Variants in CLSTN2 observed in about 807,000 individuals in gnomAD.
The protein encoded by CLSTN2 is calsyntenin-2.
In CLSTN2, 48 loss-of-function variants were observed where a neutral mutation model predicts 101.2. The ratio of observed to expected loss-of-function variants is 0.47; its 90% CI spans 0.38 to 0.60. The LOEUF is 0.60. CLSTN2 is among the 20% of genes least tolerant of loss of function. The pLI, the probability that CLSTN2 is intolerant of heterozygous loss-of-function variation, is 0.00. For synonymous variants in CLSTN2, 481 were observed against 463.6 expected (o/e 1.04, Z -0.48); for missense variants, 1,160 against 1,238.2 (o/e 0.94, Z 0.95).
At chr3:140,163,193 A>G (rs2010078681) in intron 1 of CLSTN2, among the ~76,000 whole-genome samples, 2 of 152,200 alleles carry the variant, frequency 1.3e-5, no homozygotes, top group African/African-American at 4.8e-5. Context: ...CAATCAGTTG[A>G]CTTTAAGTAA....
At chr3:140,327,601 G>A in intron 2 of CLSTN2, among the ~76,000 whole-genome samples, 1 of 152,190 alleles carries the variant, frequency 6.6e-6, no homozygotes, top group Middle Eastern at 3.2e-3. Flanking sequence ...GCACTTTGGA[G>A]TCACACAGCA....
intron 10 of CLSTN2, 28 bp downstream of exon 10, chr3:140,546,709 A>G (rs369567661): frequency 1.3e-6 from 2 of 1,582,198 alleles, no homozygotes; most frequent in Non-Finnish European, 1.7e-6. Flanking sequence ...ATCACTCCCA[A>G]TAAGACAGGG....
intron 2 of CLSTN2, among the ~76,000 whole-genome samples, chr3:140,184,871 G>A (rs1268694172): frequency 2.0e-5 from 3 of 152,008 alleles, no homozygotes; most frequent in South Asian, 2.1e-4. Context: ...TCCAGAGGCC[G>A]ATAAATGACA....
intron 2 of CLSTN2, among the ~76,000 whole-genome samples, chr3:140,291,569 T>C (rs1409650711): frequency 1.3e-5 from 2 of 151,962 alleles, no homozygotes; most frequent in Non-Finnish European, 2.9e-5. Context: ...TGGAGTCTTT[T>C]ATTCATTGTT....
intron 2 of CLSTN2, among the ~76,000 whole-genome samples, chr3:140,260,264 G>A (rs1354887424): frequency 6.6e-6 from 1 of 151,680 alleles, no homozygotes; most frequent in Non-Finnish European, 1.5e-5. Flanking sequence ...TAAACGGAAT[G>A]GTGAGGGCAG....
At chr3:140,405,302 A>G (rs2088290962) in intron 4 of CLSTN2, among the ~76,000 whole-genome samples, 1 of 151,596 alleles carries the variant, frequency 6.6e-6, no homozygotes, top group Admixed American at 6.6e-5. Context: ...ATCTTCACTC[A>G]CTGCAACCTC....
intron 1 of CLSTN2, among the ~76,000 whole-genome samples, chr3:140,055,402 G>C (rs894126620): frequency 1.4e-4 from 21 of 152,216 alleles, no homozygotes; most frequent in Non-Finnish European, 2.9e-5. Flanking sequence ...AAGAACATGT[G>C]TTCTTGGGAG....
chr3:140,513,203 C>A (rs1021724655), intron 8 of CLSTN2, among the ~76,000 whole-genome samples: 3 of 152,096 alleles, frequency 2.0e-5, no homozygotes. Flanking sequence ...AAGGGGAATG[C>A]GTCCAGCTTT....
At chr3:140,096,502 C>T (rs1210397835) in intron 1 of CLSTN2, among the ~76,000 whole-genome samples, 1 of 152,150 alleles carries the variant, frequency 6.6e-6, no homozygotes, top group African/African-American at 2.4e-5. Flanking sequence ...AATATCTTGG[C>T]GGGAGTGCTT....
At chr3:140,506,534 C>T (rs1934687021) in intron 8 of CLSTN2, 1 of 152,124 alleles carries the variant, frequency 6.6e-6, no homozygotes, top group Admixed American at 6.5e-5. Flanking sequence ...GGCTCGGTGC[C>T]CAGTAACAGA....
intron 5 of CLSTN2, among the ~76,000 whole-genome samples, chr3:140,428,263 C>CT (rs1005726444): frequency 1.2e-4 from 18 of 151,508 alleles, no homozygotes; most frequent in East Asian, 1.9e-4. Context: ...CTTGGCCCAT[C>CT]TTTTTTTTTC....
chr3:140,373,134 C>T (rs2087877082), intron 2 of CLSTN2, among the ~76,000 whole-genome samples: 1 of 152,140 alleles, frequency 6.6e-6, no homozygotes, highest in African/African-American at 2.4e-5. Context: ...AGTTAAGAAA[C>T]CTGTTTTTAA....
chr3:140,365,808 A>T (rs2107953220), intron 2 of CLSTN2, among the ~76,000 whole-genome samples: 1 of 152,334 alleles, frequency 6.6e-6, no homozygotes, highest in South Asian at 2.1e-4. Context: ...CACATTTGAA[A>T]CAAAAACATT....
intron 1 of CLSTN2, among the ~76,000 whole-genome samples, chr3:139,979,894 G>A (rs1935887522): frequency 8.6e-5 from 13 of 151,856 alleles, no homozygotes. Flanking sequence ...CCCTATTTCA[G>A]CAAATGGCAT....
intron 8 of CLSTN2, among the ~76,000 whole-genome samples, chr3:140,516,577 A>AGAC (rs1934921600): frequency 6.6e-6 from 1 of 151,722 alleles, no homozygotes; most frequent in African/African-American, 2.4e-5. Flanking sequence ...TGTCTGAAAA[A>AGAC]GACTGTATCT....
intron 2 of CLSTN2, among the ~76,000 whole-genome samples, chr3:140,350,155 G>C (rs2087590229): frequency 6.6e-6 from 1 of 152,204 alleles, no homozygotes; most frequent in Non-Finnish European, 1.5e-5. Context: ...TTAGAGTGGG[G>C]GTGGACAGGA....
intron 1 of CLSTN2, among the ~76,000 whole-genome samples, chr3:140,120,073 A>G (rs2009314093): frequency 6.6e-6 from 1 of 152,168 alleles, no homozygotes; most frequent in South Asian, 2.1e-4. Flanking sequence ...AGTGGATGCC[A>G]GCTAGGTGTC....
At chr3:140,311,763 A>G (rs1404002920) in intron 2 of CLSTN2, among the ~76,000 whole-genome samples, 1 of 152,138 alleles carries the variant, frequency 6.6e-6, no homozygotes, top group East Asian at 1.9e-4. Flanking sequence ...GGTGTTGACA[A>G]AATTGCCCCA....
At chr3:140,540,197 T>G (rs1222562499) in intron 9 of CLSTN2, among the ~76,000 whole-genome samples, 2 of 152,176 alleles carry the variant, frequency 1.3e-5, no homozygotes, top group East Asian at 3.9e-4. Context: ...CCCAGAGAGC[T>G]GACATTTGTT....
Sources: gnomAD v4.1 joint callset for allele counts (sites outside exome capture counted in the v4.1 genomes callset) on GRCh38, gnomAD v4.1.1 for gene constraint, MANE v1.5 for transcripts, NCBI Gene and HGNC (gene_info 2026-07-23, HGNC 2026-07-21) for gene names.